The following USP15 variants were observed in gnomAD, a reference collection of about 807,000 sequenced individuals.
USP15 encodes ubiquitin specific peptidase 15, also known as ubiquitin carboxyl-terminal hydrolase 15.
In USP15, 18 loss-of-function variants were observed where a neutral mutation model predicts 127.1. That is an observed-to-expected ratio of 0.14 (90% confidence interval 0.10 to 0.21). The LOEUF (loss-of-function observed/expected upper bound fraction) is 0.21. USP15 is among the 10% of genes least tolerant of loss of function. USP15 has a pLI of 1.00. For synonymous variants in USP15, 364 were observed against 393.7 expected (o/e 0.92, Z 0.89); for missense variants, 805 against 1,159.9 (o/e 0.69, Z 4.44).
rs1441789332 is a variant in USP15 at position 62,351,864 on chromosome 12, T to TA, written c.770+2559dup. ...ATCTTTCTTAGTAAGGAACAGAACT[T>TA]AAGCATTCGTAAAATGGAAAGTTTT... On this transcript the variant is annotated intron_variant, in intron 7 of 21. Transcript: ENST00000280377. Among the ~76,000 whole-genome samples, 19 of 140,724 alleles carry TA rather than the reference T, an allele frequency of 1.4e-4. No homozygotes were observed. In the East Asian group the frequency reaches 2.9e-3, roughly 21 times the overall value. 92.3% of individuals were successfully genotyped at this position (140,724 alleles called of 152,430 possible). A position where few individuals can be genotyped will look rare whatever the true frequency, so the allele number is the denominator to read the frequency against.
At chr12:62,370,147 G>C (rs1398836956) in intron 8 of USP15, among the ~76,000 whole-genome samples, 1 of 152,080 alleles carries the variant, frequency 6.6e-6, no homozygotes, top group Non-Finnish European at 1.5e-5. Context: ...GCTAATATTT[G>C]TATTTTTAGT....
intron 8 of USP15, among the ~76,000 whole-genome samples, chr12:62,360,380 A>T (rs1354716728): frequency 6.6e-6 from 1 of 152,098 alleles, no homozygotes. Context: ...TCAAAAATTT[A>T]GAAGAATGTT....
intron 2 of USP15, among the ~76,000 whole-genome samples, chr12:62,296,529 C>A (rs1016728524): frequency 3.3e-5 from 5 of 152,048 alleles, no homozygotes; most frequent in African/African-American, 1.2e-4. Context: ...ATATAGTAAT[C>A]CTAAATACAT....
intron 11 of USP15, among the ~76,000 whole-genome samples, chr12:62,385,129 TA>T (rs2067108458): frequency 6.6e-6 from 1 of 151,976 alleles, no homozygotes; most frequent in Non-Finnish European, 1.5e-5. Context: ...AGAGACCTTG[TA>T]AACCTTTGTA....
In USP15 at chr12:62,303,046, C is replaced by T. The variant is rs1314670289; in HGVS notation, c.348+126C>T. ...AGAAAAAGCCAGCAAAATAACCGTA[C>T]ACTGTGTTACAATAATGGCAAGTAA... On this transcript the variant is annotated intron_variant, in intron 3 of 21. Transcript: ENST00000280377. 5.7e-6 allele frequency: 6 copies of T among 1,056,444 alleles called. No individual in the cohort carries two copies. The African/African-American group carries it at 8.1e-5, about 14-fold the overall frequency. The allele number at this position is 1,056,444 out of a possible 1,614,324, so 65.4% of individuals were successfully genotyped here. A position where few individuals can be genotyped will look rare whatever the true frequency, so the allele number is the denominator to read the frequency against.
At chr12:62,352,774 A>G (rs372087550) in intron 7 of USP15, among the ~76,000 whole-genome samples, 1 of 151,978 alleles carries the variant, frequency 6.6e-6, no homozygotes, top group South Asian at 2.1e-4. Context: ...GTCAGGTGTC[A>G]GTGCTAGTTT....
chr12:62,349,260 C>A lies in USP15; in HGVS notation c.723C>A (p.Ile241=). The part of the protein sequence containing the change: ...GASNFSTLPK[I]SPSSLSNNYN... The stretch of plus-strand genomic sequence containing the variant: ...CCAATTTTTCAACTTTACCAAAGAT[C>A]TCTCCTTCATCTCTATCAAATAATT... Residue 241 remains isoleucine (I), a synonymous_variant, in exon 7 of 22, where the codon ATC becomes ATA. Transcript: ENST00000280377. 1 of 1,497,450 alleles carries A rather than the reference C, an allele frequency of 6.7e-7. No homozygotes were observed. The allele number at this position is 1,497,450 out of a possible 1,614,324, so 92.8% of individuals were successfully genotyped here.
At chr12:62,383,667 A>G (rs1411171181) in intron 9 of USP15, among the ~76,000 whole-genome samples, 173 bp from the exon 10 acceptor site, 1 of 151,932 alleles carries the variant, frequency 6.6e-6, no homozygotes, top group African/African-American at 2.4e-5. Flanking sequence ...ATTTTTTGCC[A>G]CTCTGAAAAT....
intron 8 of USP15, among the ~76,000 whole-genome samples, chr12:62,370,281 G>A (rs190328002): frequency 1.4e-4 from 22 of 152,226 alleles, no homozygotes; most frequent in Admixed American, 7.2e-4. Context: ...TCCTTTCAGC[G>A]TATATACATA....
chr12:62,395,763 G>T (rs2067470862), intron 19 of USP15, among the ~76,000 whole-genome samples: 2 of 151,020 alleles, frequency 1.3e-5, no homozygotes, highest in South Asian at 4.2e-4. Flanking sequence ...GTCTTTCTGT[G>T]CCTGGCTTAT....
Position 62,408,530 on chromosome 12 carries a change from C to CT in USP15, c.*4155_*4156insT, listed in dbSNP as rs2067949484. On this transcript the variant is annotated 3_prime_UTR_variant, in exon 22 of 22. Coordinates refer to ENST00000280377, the MANE Select transcript of USP15 (RefSeq NM_001252078.2). Reference sequence around the variant, plus strand: ...TAGAATAAGAGTAGAAGTTTTTGCTCATTTTTTTTGTTTGTTTTTACTTTA... The same window carrying CT: ...TAGAATAAGAGTAGAAGTTTTTGCTCTATTTTTTTTGTTTGTTTTTACTTTA... 6.6e-6 allele frequency: 1 copy of CT among 151,988 alleles called. No individual in the cohort carries two copies. The highest frequency in any genetic ancestry group is 6.6e-5 in the Admixed American group (1 of 15,234). 9.4% of individuals were successfully genotyped at this position (151,988 alleles called of 1,614,324 possible).
rs75678519 is a variant in USP15 at position 62,385,821 on chromosome 12, A to G, written c.1473+1519A>G. Among the ~76,000 whole-genome samples, 729 of 152,178 alleles carry G rather than the reference A, an allele frequency of 4.8e-3. 7 individuals are homozygous for G. Among genetic ancestry groups the G allele is most frequent in the African/African-American group, 0.016 (680 of 41,566 alleles). On this transcript the variant is annotated intron_variant, in intron 11 of 21. Transcript: ENST00000280377. Reference sequence around the variant, plus strand: ...TTTATAACTTTGCAGATATACACCAATGAGTGTAATGGAGCAAGAGAGCGT... The same window carrying G: ...TTTATAACTTTGCAGATATACACCAGTGAGTGTAATGGAGCAAGAGAGCGT...
chr12:62,311,278 G>C (rs184401097), intron 3 of USP15, among the ~76,000 whole-genome samples: 1 of 151,744 alleles, frequency 6.6e-6, no homozygotes, highest in Admixed American at 6.6e-5. Context: ...AACATTACTG[G>C]GTAAAATTAA....
intron 18 of USP15, 40 bp downstream of exon 18, chr12:62,392,427 A>C: frequency 6.9e-7 from 1 of 1,457,424 alleles, no homozygotes; most frequent in Non-Finnish European, 9.4e-7. Flanking sequence ...GTTTTCTTTA[A>C]GGATTTATTC....
chr12:62,372,757 G>A (rs2066715320), intron 8 of USP15, among the ~76,000 whole-genome samples: 1 of 151,894 alleles, frequency 6.6e-6, no homozygotes, highest in South Asian at 2.1e-4. Context: ...AAATTTCATT[G>A]TGAGTCAGTT....
chr12:62,317,417 T>C (rs2064863950), intron 4 of USP15, among the ~76,000 whole-genome samples: 1 of 152,186 alleles, frequency 6.6e-6, no homozygotes, highest in Non-Finnish European at 1.5e-5. Flanking sequence ...AGCTAGTACT[T>C]TAACTTCATA....
intron 20 of USP15, among the ~76,000 whole-genome samples, chr12:62,399,916 G>C (rs1187323391): frequency 1.3e-5 from 2 of 152,062 alleles, no homozygotes; most frequent in Non-Finnish European, 2.9e-5. Flanking sequence ...TCAAAGTATT[G>C]CCATTCCCTC....
chr12:62,385,423 A>G (rs1399461951), intron 11 of USP15, among the ~76,000 whole-genome samples: 1 of 152,028 alleles, frequency 6.6e-6, no homozygotes, highest in African/African-American at 2.4e-5. Context: ...AAGACAGGGT[A>G]TATGTAGTGT....
intron 6 of USP15, among the ~76,000 whole-genome samples, chr12:62,340,396 G>C (rs1354771144): frequency 2.0e-5 from 3 of 151,948 alleles, no homozygotes; most frequent in Admixed American, 6.5e-5. Context: ...CTTCAGTTCT[G>C]CTCTGATCTT....
Sources: gnomAD v4.1 joint callset for allele counts (sites outside exome capture counted in the v4.1 genomes callset) on GRCh38, gnomAD v4.1.1 for gene constraint, MANE v1.5 for transcripts, NCBI Gene and HGNC (gene_info 2026-07-23, HGNC 2026-07-21) for gene names.